The following EPM2A variants were observed in gnomAD, a reference collection of about 807,000 sequenced individuals.
EPM2A encodes the protein EPM2A glucan phosphatase, laforin.
Under a neutral mutation model 26.5 loss-of-function variants are expected in EPM2A, and 21 were observed. That is an observed-to-expected ratio of 0.79 (90% CI 0.56 to 1.14). The LOEUF is 1.14. Ranked by LOEUF, EPM2A falls within the 50% of genes most tolerant of loss-of-function variation. EPM2A has a pLI of 0.00. For missense variants in EPM2A, 458 were observed against 440.8 expected, an observed-to-expected ratio of 1.04 and a Z score of -0.35; for synonymous variants, 217 against 177.6, an observed-to-expected ratio of 1.22 and a Z score of -1.76.
intron 4 of EPM2A, among the ~76,000 whole-genome samples, chr6:145,431,614 A>G (rs536567175): frequency 6.6e-6 from 1 of 152,308 alleles, no homozygotes; most frequent in Admixed American, 6.5e-5. Flanking sequence ...AATACTTATG[A>G]TCATCTCAGG....
intron 4 of EPM2A, among the ~76,000 whole-genome samples, chr6:145,470,348 G>A (rs188530504): frequency 1.7e-3 from 253 of 152,002 alleles, no homozygotes; most frequent in South Asian, 4.4e-3. Flanking sequence ...TTCTTTAAAA[G>A]AATATCTATG....
intron 1 of EPM2A, chr6:145,722,707 T>C (rs1273602682): frequency 6.8e-6 from 3 of 442,468 alleles, no homozygotes; most frequent in African/African-American, 6.1e-5. Context: ...GTGATCTTAT[T>C]TGAAGATAGG....
At chr6:145,648,186 T>C (rs1777625225) in intron 2 of EPM2A, among the ~76,000 whole-genome samples, 2 of 152,224 alleles carry the variant, frequency 1.3e-5, no homozygotes, top group South Asian at 2.1e-4. Context: ...AGGTGGTGGA[T>C]GGTGGCAAAA....
chr6:145,686,022 C>A lies in EPM2A; in HGVS notation c.476+100G>T, dbSNP rs2128613998. Reference sequence around the variant, plus strand: ...GTACTACAGGCCTATAGACCCCTCCCAAGTGAGGCACTGCAGTTTCGAACA... The same window carrying A: ...GTACTACAGGCCTATAGACCCCTCCAAAGTGAGGCACTGCAGTTTCGAACA... On this transcript the variant is annotated intron_variant, in intron 2 of 3. Coordinates refer to ENST00000367519, the MANE Select transcript of EPM2A (RefSeq NM_005670.4). 19 of 1,065,418 alleles carry A rather than the reference C, an allele frequency of 1.8e-5. 2 individuals are homozygous for A. In the South Asian group the frequency reaches 2.2e-4, roughly 13 times the overall value. The allele number at this position is 1,065,418 out of a possible 1,614,324, so 66.0% of individuals were successfully genotyped here.
At chr6:145,695,789 G>A (rs1440689590) in intron 1 of EPM2A, among the ~76,000 whole-genome samples, 1 of 151,880 alleles carries the variant, frequency 6.6e-6, no homozygotes, top group Non-Finnish European at 1.5e-5. Context: ...AATATTTAAG[G>A]CAGTTATTAA....
Position 145,658,152 on chromosome 6 carries a change from C to T in EPM2A, c.477-22666G>A, listed in dbSNP as rs571233600. On this transcript the variant is annotated intron_variant, in intron 2 of 3. Transcript: ENST00000367519. ...AATAAGTTGAAGAAATTAGTCAGGC[C>T]AACAAGATAAAATACTTTAAGCCAA... is the stretch of plus-strand genomic sequence containing the variant. Among the ~76,000 whole-genome samples, 6 of 152,236 alleles carry T rather than the reference C, an allele frequency of 3.9e-5. No homozygotes were observed. In the East Asian group the frequency reaches 7.7e-4, roughly 20 times the overall value.
rs563818659 is a variant in EPM2A at position 145,471,525 on chromosome 6, G to A, written c.555+30997C>T. On this transcript the variant is annotated intron_variant, in intron 4 of 4. Transcript: ENST00000638717. Reference sequence around the variant, plus strand: ...AGGCACTGACGAGATAAAAAAGACAGTAAGACAGTTCTGAATTGCCAACAC... The same window carrying A: ...AGGCACTGACGAGATAAAAAAGACAATAAGACAGTTCTGAATTGCCAACAC... Among the ~76,000 whole-genome samples, 22 of 152,220 alleles carry A rather than the reference G, an allele frequency of 1.4e-4. No individual in the cohort carries two copies. In the South Asian group the frequency reaches 4.1e-3, roughly 29 times the overall value.
chr6:145,514,871 G>A (rs2114766863), intron 2 of EPM2A, among the ~76,000 whole-genome samples: 1 of 152,294 alleles, frequency 6.6e-6, no homozygotes, highest in South Asian at 2.1e-4. Context: ...AAACATTTGA[G>A]TGGATTTATC....
intron 4 of EPM2A, among the ~76,000 whole-genome samples, chr6:145,486,341 G>A (rs1779673217): frequency 6.6e-6 from 1 of 151,952 alleles, no homozygotes; most frequent in South Asian, 2.1e-4. Context: ...CATATTTAAG[G>A]GCTACAACAT....
At chr6:145,507,558 C>A (rs1387917697) in intron 2 of EPM2A, among the ~76,000 whole-genome samples, 1 of 152,206 alleles carries the variant, frequency 6.6e-6, no homozygotes, top group Non-Finnish European at 1.5e-5. Context: ...TGGGAAAAAA[C>A]TGCATTGTCC....
At chr6:145,607,289 T>C (rs923089023) in intron 2 of EPM2A, among the ~76,000 whole-genome samples, 6 of 152,180 alleles carry the variant, frequency 3.9e-5, no homozygotes, top group African/African-American at 1.4e-4. Flanking sequence ...CTCAAATGAC[T>C]GTATCATGGG....
At chr6:145,733,064 T>C (rs1199028723) in intron 1 of EPM2A, among the ~76,000 whole-genome samples, 1 of 152,134 alleles carries the variant, frequency 6.6e-6, no homozygotes, top group African/African-American at 2.4e-5. Flanking sequence ...AATCAGTCTA[T>C]TTACCTTAAA....
At chr6:145,515,942 GA>G (rs1262923010) in intron 2 of EPM2A, among the ~76,000 whole-genome samples, 1 of 152,156 alleles carries the variant, frequency 6.6e-6, no homozygotes, top group Non-Finnish European at 1.5e-5. Flanking sequence ...GGGCAAAGGG[GA>G]AATATCAATA....
intron 2 of EPM2A, among the ~76,000 whole-genome samples, chr6:145,677,871 T>G (rs1479296413): frequency 6.6e-6 from 1 of 152,142 alleles, no homozygotes; most frequent in African/African-American, 2.4e-5. Flanking sequence ...ATTTATAGAT[T>G]AAATGCCATC....
chr6:145,480,345 C>T (rs1307023081), intron 4 of EPM2A, among the ~76,000 whole-genome samples: 1 of 151,920 alleles, frequency 6.6e-6, no homozygotes, highest in African/African-American at 2.4e-5. Flanking sequence ...CACTTTTAAA[C>T]AAGCAGATCT....
At chr6:145,608,147 T>C (rs1480152668) in intron 2 of EPM2A, among the ~76,000 whole-genome samples, 1 of 152,252 alleles carries the variant, frequency 6.6e-6, no homozygotes, top group African/African-American at 2.4e-5. Context: ...ACATAACTTT[T>C]ATTACAGTAT....
chr6:145,702,612 T>C (rs1029535995), intron 1 of EPM2A, among the ~76,000 whole-genome samples: 2 of 152,192 alleles, frequency 1.3e-5, no homozygotes, highest in African/African-American at 4.8e-5. Flanking sequence ...CTCTTAACTA[T>C]TACCTTACAC....
At chr6:145,396,849 CT>C (rs1224239789) in intron 4 of EPM2A, among the ~76,000 whole-genome samples, 1 of 152,186 alleles carries the variant, frequency 6.6e-6, no homozygotes, top group Non-Finnish European at 1.5e-5. Flanking sequence ...CCAAATACTA[CT>C]TGAGAAAACC....
intron 4 of EPM2A, among the ~76,000 whole-genome samples, chr6:145,425,896 C>T (rs1284993977): frequency 6.6e-6 from 1 of 152,126 alleles, no homozygotes; most frequent in African/African-American, 2.4e-5. Flanking sequence ...CTTTCTCCAC[C>T]AAGTCTCAAT....
Sources: gnomAD v4.1 joint callset for allele counts (sites outside exome capture counted in the v4.1 genomes callset) on GRCh38, gnomAD v4.1.1 for gene constraint, MANE v1.5 for transcripts, NCBI Gene and HGNC (gene_info 2026-07-23, HGNC 2026-07-21) for gene names.